The following NT5DC3 variants were observed in gnomAD, a reference collection of about 807,000 sequenced individuals.
The protein encoded by NT5DC3 is 5'-nucleotidase domain containing 3.
In NT5DC3, 42 loss-of-function variants were observed where a neutral mutation model predicts 67.8. The ratio of observed to expected loss-of-function variants is 0.62; its 90% confidence interval spans 0.48 to 0.80. NT5DC3 has a LOEUF of 0.80. NT5DC3 is among the 30% of genes least tolerant of loss of function. NT5DC3 has a pLI of 0.00. For synonymous variants in NT5DC3, 237 were observed against 255.6 expected (o/e 0.93, Z 0.69); for missense variants, 570 against 696.4 (o/e 0.82, Z 2.04).
the NT5DC3 span, chr12:103,749,254 T>C: frequency 5.9e-5 from 76 of 1,281,498 alleles, no homozygotes; most frequent in Non-Finnish European, 7.3e-5. Context: ...TCCTGGACTC[T>C]TCCTAAACAT....
At chr12:103,761,265 A>G in the NT5DC3 span, 5 of 1,593,908 alleles carry the variant, frequency 3.1e-6, no homozygotes, top group African/African-American at 2.7e-5. Flanking sequence ...CCACTCGGAG[A>G]GTAAAAGCCA....
the NT5DC3 span, among the ~76,000 whole-genome samples, chr12:103,762,799 C>T: frequency 6.6e-6 from 1 of 152,230 alleles, no homozygotes; most frequent in Non-Finnish European, 1.5e-5. Flanking sequence ...GGGGACAGGG[C>T]TAGGGACCCT....
In NT5DC3 at chr12:103,788,790, C is replaced by T. The variant is rs368562009; in HGVS notation, c.1101+48G>A. The T allele has an allele frequency of 9.2e-5, 113 of 1,232,386 alleles. 1 individual carries two copies. Among genetic ancestry groups the T allele is most frequent in the Admixed American group, 1.8e-4 (11 of 59,524 alleles). 76.3% of individuals were successfully genotyped at this position (1,232,386 alleles called of 1,614,324 possible). ...TGAACATCAGCTATTAGCATTATTA[C>T]CGACCACAAAGCAAAGCAACAAAAA... On this transcript the variant is annotated intron_variant, in intron 10 of 13. Transcript: ENST00000392876.
At chr12:103,839,735 C>T (rs1566137156) in intron 1 of NT5DC3, among the ~76,000 whole-genome samples, 1 of 152,236 alleles carries the variant, frequency 6.6e-6, no homozygotes, top group East Asian at 1.9e-4. Context: ...CTTCAAAAGC[C>T]AAAGCAAAAT....
chr12:103,783,739 T>C (rs1255729664), intron 12 of NT5DC3, among the ~76,000 whole-genome samples: 1 of 149,802 alleles, frequency 6.7e-6, no homozygotes, highest in East Asian at 2.0e-4. Context: ...AAACACACAT[T>C]CCTTAGTAGT....
chr12:103,801,614 C>T (rs529829584), intron 4 of NT5DC3, among the ~76,000 whole-genome samples: 49 of 152,002 alleles, frequency 3.2e-4, no homozygotes, highest in Non-Finnish European at 6.2e-4. Context: ...ATCTCCTGAC[C>T]TCGTGATCTA....
At chr12:103,750,802 C>T in the NT5DC3 span, 1 of 1,474,200 alleles carries the variant, frequency 6.8e-7, no homozygotes, top group Non-Finnish European at 9.0e-7. Context: ...AGAAGAAAAA[C>T]AAAACAGGCC....
intron 5 of NT5DC3, among the ~76,000 whole-genome samples, 165 bp from the exon 6 acceptor site, chr12:103,797,196 G>C (rs1216285625): frequency 6.6e-6 from 1 of 152,192 alleles, no homozygotes; most frequent in Non-Finnish European, 1.5e-5. Flanking sequence ...TGGGCTGAGC[G>C]TGGTGGCTCA....
chr12:103,755,051 G>A, the NT5DC3 span: 1 of 475,134 alleles, frequency 2.1e-6, no homozygotes, highest in Non-Finnish European at 3.8e-6. Flanking sequence ...TTTCTCAAGA[G>A]CAGAGAGAAG....
chr12:103,799,170 G>A (rs760494125), intron 4 of NT5DC3, among the ~76,000 whole-genome samples: 3 of 152,152 alleles, frequency 2.0e-5, no homozygotes, highest in Non-Finnish European at 4.4e-5. Flanking sequence ...GCTGGCTTTT[G>A]TTTTAATGTA....
At chr12:103,756,264 T>C in the NT5DC3 span, among the ~76,000 whole-genome samples, 1 of 152,190 alleles carries the variant, frequency 6.6e-6, no homozygotes, top group Admixed American at 6.5e-5. Flanking sequence ...GAAAGCCTCA[T>C]CTGGAGAAAG....
the NT5DC3 span, chr12:103,758,087 G>T: frequency 6.3e-7 from 1 of 1,585,248 alleles, no homozygotes. Flanking sequence ...TCACAGATGG[G>T]TGATGCCCTG....
intron 5 of NT5DC3, 86 bp downstream of exon 5, chr12:103,798,501 T>A: frequency 1.2e-6 from 1 of 867,856 alleles, no homozygotes; most frequent in Non-Finnish European, 1.9e-6. Flanking sequence ...CCCTGTCAAT[T>A]CCATATAAGC....
intron 1 of NT5DC3, among the ~76,000 whole-genome samples, chr12:103,830,912 T>C (rs1019653100): frequency 2.6e-5 from 4 of 152,226 alleles, no homozygotes; most frequent in Admixed American, 6.5e-5. Flanking sequence ...TTCTCCCTTA[T>C]GGTGGCTTAT....
At chr12:103,780,489 A>G in intron 12 of NT5DC3, 125 bp from the exon 13 acceptor site, 1 of 780,342 alleles carries the variant, frequency 1.3e-6, no homozygotes, top group Non-Finnish European at 2.2e-6. Flanking sequence ...AGAGGCTGGC[A>G]CCTGAATGAA....
chr12:103,792,032 G>A (rs529475706), intron 9 of NT5DC3, among the ~76,000 whole-genome samples: 2 of 152,266 alleles, frequency 1.3e-5, no homozygotes, highest in South Asian at 2.1e-4. Flanking sequence ...TCTAATAAGC[G>A]CTTTGCACTG....
intron 1 of NT5DC3, among the ~76,000 whole-genome samples, chr12:103,823,741 A>G (rs2139447228): frequency 6.6e-6 from 1 of 152,380 alleles, no homozygotes; most frequent in East Asian, 1.9e-4. Flanking sequence ...ATGGATTGGA[A>G]ATGTGAAAAT....
At chr12:103,807,982 T>C (rs560484019) in intron 2 of NT5DC3, among the ~76,000 whole-genome samples, 3 of 152,322 alleles carry the variant, frequency 2.0e-5, no homozygotes, top group South Asian at 2.1e-4. Flanking sequence ...ATCAGCAGCA[T>C]GAAAACGAAA....
At chr12:103,790,693 TC>T (rs1886010903) in intron 9 of NT5DC3, among the ~76,000 whole-genome samples, 1 of 103,620 alleles carries the variant, frequency 9.7e-6, no homozygotes, top group Non-Finnish European at 2.0e-5. Flanking sequence ...CCCAAGTACA[TC>T]TTTTTTTTTT....
Sources: allele counts gnomAD v4.1 joint callset (sites outside exome capture counted in the v4.1 genomes callset), GRCh38; gene constraint gnomAD v4.1.1; transcripts MANE v1.5; gene names NCBI Gene and HGNC (gene_info 2026-07-23, HGNC 2026-07-21).